PAPPA2: variants seen among roughly 807,000 people sequenced by gnomAD.
PAPPA2 encodes pappalysin 2, also known as pappalysin-2.
A neutral mutation model predicts 176.4 loss-of-function variants in PAPPA2; 86 were observed. The observed-to-expected ratio is 0.49, with a 90% CI of 0.41 to 0.58. PAPPA2 has a LOEUF of 0.58. Ranked by LOEUF, PAPPA2 falls within the 20% of genes least tolerant of loss-of-function variation. The probability of loss-of-function intolerance (pLI) is 0.00; values close to 1 mark genes in which losing one functional copy is unlikely to be tolerated. For synonymous variants in PAPPA2, 809 were observed against 852.2 expected (o/e 0.95, Z 0.88); for missense variants, 2,073 against 2,256.9 (o/e 0.92, Z 1.65).
intron 2 of PAPPA2, among the ~76,000 whole-genome samples, chr1:176,559,277 G>T (rs959612640): frequency 6.6e-6 from 1 of 152,194 alleles, no homozygotes; most frequent in African/African-American, 2.4e-5. Context: ...GTCCCTTGTG[G>T]TGTACCAGTA....
At position 176,604,762 on chromosome 1, in the gene PAPPA2, A is replaced by G. The variant is rs568034888; in HGVS notation, c.1991+9167A>G. ...TAGTTTCTTTGTTCACAGTTCTTGG[A>G]ACACATTTGATATTTTAAAAATGAA... On this transcript the variant is annotated intron_variant, in intron 3 of 22. Coordinates refer to ENST00000367662, the MANE Select transcript of PAPPA2 (RefSeq NM_020318.3). 7.9e-5 allele frequency among the ~76,000 whole-genome samples: 12 copies of G among 152,344 alleles called. No homozygotes were observed. In the South Asian group the frequency reaches 2.5e-3, roughly 32 times the overall value.
intron 2 of PAPPA2, among the ~76,000 whole-genome samples, chr1:176,581,123 T>G (rs772322762): frequency 2.0e-5 from 3 of 152,240 alleles, no homozygotes; most frequent in Non-Finnish European, 4.4e-5. Context: ...TTAACCCATT[T>G]TGAAATTTTT....
intron 1 of PAPPA2, among the ~76,000 whole-genome samples, chr1:176,493,197 T>G (rs895532408): frequency 2.6e-5 from 4 of 152,176 alleles, no homozygotes; most frequent in Admixed American, 1.3e-4. Flanking sequence ...CAAAACAAGT[T>G]TGAACTTTGA....
chr1:176,649,677 ATGT>A (rs1657603170), intron 3 of PAPPA2, among the ~76,000 whole-genome samples: 2 of 151,544 alleles, frequency 1.3e-5, no homozygotes, highest in Non-Finnish European at 3.0e-5. Flanking sequence ...ACTCAGAAAC[ATGT>A]TGTTTAATTT....
In PAPPA2 at chr1:176,740,098, C is replaced by T; in HGVS notation, c.4053C>T (p.Gly1351=). Residue 1351 remains glycine, a synonymous_variant, in exon 14 of 23, where the codon GGC becomes GGT. Transcript: ENST00000367662. ...VLLNFSSPRV[G]ISAVALRTSS... ...TGAATTTCTCATCCCCACGGGTCGG[C>T]ATCTCAGCTGTGGCTCTAAGGACAT... 1.2e-6 allele frequency: 2 copies of T among 1,613,938 alleles called. No individual in the cohort carries two copies. Among genetic ancestry groups the T allele is most frequent in the Non-Finnish European group, 1.7e-6 (2 of 1,179,888 alleles).
At chr1:176,709,417 T>G (rs925878248) in intron 10 of PAPPA2, among the ~76,000 whole-genome samples, 2 of 151,946 alleles carry the variant, frequency 1.3e-5, no homozygotes, top group African/African-American at 4.8e-5. Context: ...AAAAAAAAAT[T>G]AATAACATAT....
At chr1:176,532,697 C>T (rs1349331438) in intron 1 of PAPPA2, among the ~76,000 whole-genome samples, 1 of 152,182 alleles carries the variant, frequency 6.6e-6, no homozygotes, top group East Asian at 1.9e-4. Flanking sequence ...ACTTCAGACG[C>T]AGTAAGGGTG....
intron 4 of PAPPA2, among the ~76,000 whole-genome samples, chr1:176,681,771 G>A (rs1659595839): frequency 6.6e-6 from 1 of 152,162 alleles, no homozygotes; most frequent in African/African-American, 2.4e-5. Flanking sequence ...GTGTTTTTAG[G>A]AATGCATCTG....
chr1:176,574,499 T>A (rs730852), intron 2 of PAPPA2, among the ~76,000 whole-genome samples: 11,924 of 152,074 alleles, frequency 0.078, 1,548 homozygotes, highest in African/African-American at 0.27. Flanking sequence ...TTTACCATTT[T>A]AAAAAAAATT....
chr1:176,564,406 C>T (rs919014485), intron 2 of PAPPA2, among the ~76,000 whole-genome samples: 1 of 152,188 alleles, frequency 6.6e-6, no homozygotes, highest in Non-Finnish European at 1.5e-5. Context: ...TGCAAGCAGT[C>T]GTAGATGATA....
intron 3 of PAPPA2, among the ~76,000 whole-genome samples, chr1:176,612,204 G>A (rs947518117): frequency 2.6e-5 from 4 of 152,076 alleles, no homozygotes; most frequent in Non-Finnish European, 5.9e-5. Flanking sequence ...GACCAGCCTG[G>A]CCAATATGGT....
In PAPPA2 at chr1:176,506,900, A is replaced by G. The variant is rs572859251; in HGVS notation, c.-917+43482A>G. 1.1e-3 allele frequency among the ~76,000 whole-genome samples: 170 copies of G among 152,250 alleles called. 1 individual carries two copies. Among genetic ancestry groups the G allele is most frequent in the African/African-American group, 3.8e-3 (159 of 41,564 alleles). On this transcript the variant is annotated intron_variant, in intron 1 of 22. Transcript: ENST00000367662. ...TGGTCTTGGCGAGAAATTTTTGGCTAAGTCCCTAAAGGCAATTGCAACCAA... is the reference window on the plus strand; with the variant it reads ...TGGTCTTGGCGAGAAATTTTTGGCTGAGTCCCTAAAGGCAATTGCAACCAA...
intron 3 of PAPPA2, among the ~76,000 whole-genome samples, chr1:176,669,925 A>G (rs1465794300): frequency 6.6e-6 from 1 of 152,134 alleles, no homozygotes; most frequent in Non-Finnish European, 1.5e-5. Context: ...GAATAGCATC[A>G]ACAAAGCATA....
intron 1 of PAPPA2, among the ~76,000 whole-genome samples, chr1:176,500,729 C>T (rs1647910643): frequency 6.6e-6 from 1 of 151,536 alleles, no homozygotes; most frequent in Non-Finnish European, 1.5e-5. Context: ...CAACCAGTTC[C>T]TACTGGCATT....
In PAPPA2 at chr1:176,793,589, C is replaced by T. The variant is rs750927343; in HGVS notation, c.5050C>T (p.Pro1684Ser). The T allele has an allele frequency of 3.7e-6, 6 of 1,612,730 alleles. No individual in the cohort carries two copies. The highest frequency in any genetic ancestry group is 5.1e-6 in the Non-Finnish European group (6 of 1,179,148). Reference protein sequence around the residue: ...GAVCSPLCVIPPSDPVMLPEN... With the variant: ...GAVCSPLCVISPSDPVMLPEN... ...AGTGTGTTCCCCATTGTGTGTAATC[C>T]CCCCCAGTGACCCCGTGATGCTACC... The change falls in exon 20 of 23, where the codon CCC becomes TCC. Residue 1684 changes from proline (P) to serine (S), a missense_variant. By Grantham distance (74) the Pro-to-Ser change is moderately conservative. Transcript: ENST00000367662.
intron 3 of PAPPA2, among the ~76,000 whole-genome samples, chr1:176,642,166 G>T (rs1657132502): frequency 6.6e-6 from 1 of 151,784 alleles, no homozygotes; most frequent in Non-Finnish European, 1.5e-5. Context: ...TAAGTATTTT[G>T]CCTTAAAGAG....
chr1:176,638,289 T>G lies in PAPPA2; in HGVS notation c.1992-32681T>G, dbSNP rs188332270. On this transcript the variant is annotated intron_variant, in intron 3 of 22. Transcript: ENST00000367662. ...TATGAATCTGTACCCCCAAACACAA[T>G]GCACATTAGAAAAAGACAATTCTTT... 3.2e-4 allele frequency among the ~76,000 whole-genome samples: 48 copies of G among 151,668 alleles called. 1 individual carries two copies. The Middle Eastern group carries it at 0.01, about 32-fold the overall frequency.
intron 12 of PAPPA2, among the ~76,000 whole-genome samples, chr1:176,721,936 C>T (rs1025945543): frequency 6.6e-6 from 1 of 150,716 alleles, no homozygotes; most frequent in Non-Finnish European, 1.5e-5. Flanking sequence ...TTATTCCCTT[C>T]TTTTTCATGC....
chr1:176,711,763 G>C, intron 11 of PAPPA2, 72 bp from the exon 12 acceptor site: 2 of 1,493,728 alleles, frequency 1.3e-6, no homozygotes, highest in Non-Finnish European at 1.8e-6. Flanking sequence ...GCTTTGAGCT[G>C]GAGAGTTTCA....
Sources: gnomAD v4.1 joint callset for allele counts (sites outside exome capture counted in the v4.1 genomes callset) on GRCh38, gnomAD v4.1.1 for gene constraint, MANE v1.5 for transcripts, NCBI Gene and HGNC (gene_info 2026-07-23, HGNC 2026-07-21) for gene names.